Variants in TEX14 observed in about 807,000 individuals in gnomAD.
The protein encoded by TEX14 is testis expressed 14, intercellular bridge forming factor.
TEX14 carries 168 observed loss-of-function variants against 178.6 expected under a neutral mutation model. The ratio of observed to expected loss-of-function variants is 0.94; its 90% confidence interval spans 0.83 to 1.07. The LOEUF (loss-of-function observed/expected upper bound fraction) is 1.07, where lower values mean the gene tolerates loss of function less well. TEX14 is among the 50% of genes least tolerant of loss of function. The pLI is 0.00. For synonymous variants in TEX14, 626 were observed against 634.1 expected, an observed-to-expected ratio of 0.99 and a Z score of 0.19; for missense variants, 1,730 against 1,753.6, an observed-to-expected ratio of 0.99 and a Z score of 0.24.
intron 10 of TEX14, among the ~76,000 whole-genome samples, chr17:58,610,220 C>T (rs927636600): frequency 1.3e-4 from 20 of 152,352 alleles, no homozygotes; most frequent in African/African-American, 4.8e-4. Flanking sequence ...CCCTCCATAT[C>T]TATCCAGGCC....
At chr17:58,586,915 G>A (rs1483353184) in intron 17 of TEX14, among the ~76,000 whole-genome samples, 1 of 152,166 alleles carries the variant, frequency 6.6e-6, no homozygotes, top group African/African-American at 2.4e-5. Flanking sequence ...GTGGGAGTGT[G>A]TGAGTACACT....
At chr17:58,664,492 T>C (rs999030111) in intron 1 of TEX14, among the ~76,000 whole-genome samples, 1 of 152,248 alleles carries the variant, frequency 6.6e-6, no homozygotes, top group Non-Finnish European at 1.5e-5. Flanking sequence ...ATACTTCTCA[T>C]TTACTGACAG....
chr17:58,648,126 G>A (rs970998342), intron 2 of TEX14: 3 of 152,228 alleles, frequency 2.0e-5, no homozygotes, highest in African/African-American at 7.2e-5. Context: ...AGGCAAGGGG[G>A]AGAACCAATA....
At chr17:58,564,123 T>C (rs543995741) in intron 28 of TEX14, 2 of 152,268 alleles carry the variant, frequency 1.3e-5, no homozygotes, top group Admixed American at 1.3e-4. Context: ...GAAAATAGTG[T>C]GGCAGTTCCT....
In TEX14 at chr17:58,662,413, T is replaced by TCA. The variant is rs555187857; in HGVS notation, c.-1-10412_-1-10411insTG. On this transcript the variant is annotated intron_variant, in intron 1 of 31. Transcript: ENST00000349033. ...TGTGTACAGATATATAGCACACATATCTCACACACACACACACACACACAC... is the reference window on the plus strand; with the variant it reads ...TGTGTACAGATATATAGCACACATATCACTCACACACACACACACACACACAC... Among the ~76,000 whole-genome samples the TCA allele has an allele frequency of 2.1e-3, 268 of 127,738 alleles. 1 individual carries two copies. The highest frequency in any genetic ancestry group is 3.1e-3 in the Non-Finnish European group (193 of 62,204). The allele number at this position is 127,738 out of a possible 152,430, so 83.8% of individuals were successfully genotyped here.
chr17:58,669,097 A>G (rs894205236), intron 1 of TEX14, among the ~76,000 whole-genome samples: 7 of 152,182 alleles, frequency 4.6e-5, no homozygotes, highest in African/African-American at 1.7e-4. Flanking sequence ...CATGCCTATA[A>G]TCCCAGCACT....
chr17:58,599,697 T>C (rs1410906208), intron 13 of TEX14, 31 bp from the exon 14 acceptor site: 1 of 1,570,756 alleles, frequency 6.4e-7, no homozygotes, highest in Admixed American at 1.7e-5. Flanking sequence ...ATGCAACTCA[T>C]TAAAATGAAC....
intron 25 of TEX14, 62 bp downstream of exon 25, chr17:58,570,323 A>T: frequency 9.2e-7 from 1 of 1,082,554 alleles, no homozygotes; most frequent in Non-Finnish European, 1.3e-6. Context: ...TCAAAGATTG[A>T]TAAGCATCAA....
At chr17:58,561,335 A>G (rs1052815268) in intron 29 of TEX14, among the ~76,000 whole-genome samples, 185 bp downstream of exon 29, 4 of 152,194 alleles carry the variant, frequency 2.6e-5, no homozygotes, top group African/African-American at 9.7e-5. Flanking sequence ...TCTGCTAATC[A>G]ATATCTTGAG....
intron 28 of TEX14, among the ~76,000 whole-genome samples, chr17:58,564,663 T>G (rs2044359045): frequency 6.6e-6 from 1 of 152,180 alleles, no homozygotes; most frequent in African/African-American, 2.4e-5. Flanking sequence ...TAAATTTTGT[T>G]ATATACATTG....
intron 2 of TEX14, among the ~76,000 whole-genome samples, chr17:58,648,596 G>C (rs2046766213): frequency 6.6e-6 from 1 of 152,076 alleles, no homozygotes; most frequent in Non-Finnish European, 1.5e-5. Flanking sequence ...TTCTTGGTGT[G>C]TCACTCTGGT....
In TEX14 at chr17:58,599,349, T is replaced by C; in HGVS notation, c.1996A>G (p.Lys666Glu). Residue 666 changes from lysine (K) to glutamate (E), a missense_variant, in exon 14 of 32, where the codon AAG (lysine) becomes GAG (glutamate). This residue lies in a region of TEX14 where 941 missense variants were observed against 1,072.4 expected (regional missense o/e 0.88). Coordinates refer to ENST00000349033, the MANE Select transcript of TEX14 (RefSeq NM_031272.5). ...AAACAACACGCCTCTCTCTCCATCT[T>C]ATCCAGCTCTTCTTCCATGGATTTC... ...ELKSMEEELD[K>E]MEREACCFGS... 1 of 1,614,114 alleles carries C rather than the reference T, an allele frequency of 6.2e-7. No homozygotes were observed.
intron 21 of TEX14, among the ~76,000 whole-genome samples, chr17:58,576,893 T>TA (rs1256703158): frequency 6.6e-6 from 1 of 152,226 alleles, no homozygotes; most frequent in Non-Finnish European, 1.5e-5. Flanking sequence ...CACTCAATGG[T>TA]ATGGATGTAC....
intron 1 of TEX14, chr17:58,661,726 C>T (rs913027532): frequency 1.2e-5 from 7 of 569,882 alleles, no homozygotes; most frequent in Admixed American, 6.7e-5. Flanking sequence ...GAGGCGGTGG[C>T]GTTGGGGGCG....
chr17:58,622,774 G>C, intron 4 of TEX14, 73 bp downstream of exon 4: 1 of 1,461,744 alleles, frequency 6.8e-7, no homozygotes, highest in African/African-American at 1.4e-5. Flanking sequence ...GCTCTGTGCT[G>C]ACCACTGGGA....
Position 58,561,518 on chromosome 17 carries a change from A to G in TEX14, c.4157+2T>C. 1.2e-6 allele frequency: 2 copies of G among 1,608,054 alleles called. No individual in the cohort carries two copies. Among genetic ancestry groups the G allele is most frequent in the Non-Finnish European group, 1.7e-6 (2 of 1,174,690 alleles). Reference sequence around the variant, plus strand: ...AAGGATTCCCCTTTGGGGAACAATAACCTTTCAGAGCCCTTGGGAAGGTCT... The same window carrying G: ...AAGGATTCCCCTTTGGGGAACAATAGCCTTTCAGAGCCCTTGGGAAGGTCT... On this transcript the variant is annotated splice_donor_variant, in intron 29 of 31. Transcript: ENST00000349033. LOFTEE classifies it high-confidence loss of function.
chr17:58,563,658 TAGAG>T (rs1180956521), intron 28 of TEX14, among the ~76,000 whole-genome samples: 385 of 17,158 alleles, frequency 0.022, 3 homozygotes, highest in Admixed American at 0.028. Flanking sequence ...TATATATATA[TAGAG>T]AGAGAGAGAG....
At chr17:58,639,453 C>A (rs1045121998) in intron 2 of TEX14, among the ~76,000 whole-genome samples, 1 of 152,066 alleles carries the variant, frequency 6.6e-6, no homozygotes, top group Non-Finnish European at 1.5e-5. Context: ...GTAATTGCAG[C>A]ACTTTGGGAG....
chr17:58,656,766 GA>G (rs1178228695), intron 1 of TEX14, among the ~76,000 whole-genome samples: 1 of 121,792 alleles, frequency 8.2e-6, no homozygotes, highest in African/African-American at 3.1e-5. Context: ...AAAAAAAAAA[GA>G]AAAAAATTGG....
Sources: gnomAD v4.1 joint callset for allele counts (sites outside exome capture counted in the v4.1 genomes callset) on GRCh38, gnomAD v4.1.1 for gene constraint, gnomAD v4.1.1 regional missense constraint, MANE v1.5 for transcripts, NCBI Gene and HGNC (gene_info 2026-07-23, HGNC 2026-07-21) for gene names.